The following BBS4 variants were observed in gnomAD, a reference collection of about 807,000 sequenced individuals.
BBS4 encodes BBSome complex member BBS4.
A neutral mutation model predicts 71.4 loss-of-function variants in BBS4; 58 were observed. The observed-to-expected ratio is 0.81, with a 90% confidence interval of 0.66 to 1.01. BBS4 has a LOEUF of 1.01. Ranked by LOEUF, BBS4 falls within the 50% of genes least tolerant of loss-of-function variation. The pLI is 0.00. For synonymous variants in BBS4, 228 were observed against 216.8 expected, an observed-to-expected ratio of 1.05 and a Z score of -0.46; for missense variants, 660 against 607.9, an observed-to-expected ratio of 1.09 and a Z score of -0.90.
At chr15:72,731,239 A>G in intron 10 of BBS4, 66 bp from the exon 11 acceptor site, 2 of 1,606,940 alleles carry the variant, frequency 1.2e-6, no homozygotes, top group Non-Finnish European at 1.7e-6. Context: ...TAGACTCAGG[A>G]AAGCTGCCCC....
At chr15:72,688,409 A>ATTTTTTTTTTTTTTT (rs1188469848) in intron 1 of BBS4, among the ~76,000 whole-genome samples, 2 of 24,122 alleles carry the variant, frequency 8.3e-5, no homozygotes, top group East Asian at 2.5e-3. Context: ...GTGGTATTTT[A>ATTTTTTTTTTTTTTT]TCTTTTTTTT....
At chr15:72,704,927 A>C (rs1275187335) in intron 2 of BBS4, among the ~76,000 whole-genome samples, 1 of 152,078 alleles carries the variant, frequency 6.6e-6, no homozygotes, top group African/African-American at 2.4e-5. Flanking sequence ...ATGCAAAAAA[A>C]CAGCAACAAT....
chr15:72,696,806 G>A (rs2065084851), intron 2 of BBS4, among the ~76,000 whole-genome samples: 1 of 152,124 alleles, frequency 6.6e-6, no homozygotes, highest in Non-Finnish European at 1.5e-5. Context: ...GCCCAGGCTG[G>A]TTTTGAACTC....
chr15:72,725,692 G>A (rs751431157), intron 8 of BBS4, among the ~76,000 whole-genome samples: 144 of 54,958 alleles, frequency 2.6e-3, no homozygotes, highest in Non-Finnish European at 3.9e-3. Context: ...CCCCTTCCCC[G>A]TTTTCCCCTT....
intron 6 of BBS4, among the ~76,000 whole-genome samples, chr15:72,717,921 T>A (rs1228608762): frequency 6.6e-6 from 1 of 152,152 alleles, no homozygotes; most frequent in East Asian, 1.9e-4. Flanking sequence ...TGATCTCGGC[T>A]CACTGCAACC....
intron 4 of BBS4, among the ~76,000 whole-genome samples, chr15:72,713,242 A>G (rs1169038731): frequency 6.6e-6 from 1 of 151,876 alleles, no homozygotes; most frequent in South Asian, 2.1e-4. Context: ...CAGTGGTGGT[A>G]CTAACATGTG....
chr15:72,720,131 ATTTTAC>A (rs150023976), intron 6 of BBS4, among the ~76,000 whole-genome samples: 3,986 of 150,204 alleles, frequency 0.027, 61 homozygotes, highest in Non-Finnish European at 0.036. Flanking sequence ...ATGATTTTGA[ATTTTAC>A]TTTTATTAAT....
rs770577174 is a variant in BBS4 at position 72,735,810 on chromosome 15, CTCTG to C, written c.1107-10_1107-7del. ...TGCAGAGCCCCCAGCTCCATAGAATCTCTGTCTGCCACAGGTGTAACCCTTTAGT... is the reference window on the plus strand; with the variant it reads ...TGCAGAGCCCCCAGCTCCATAGAATCTCTGCCACAGGTGTAACCCTTTAGT... On this transcript the variant is annotated splice_polypyrimidine_tract_variant and intron_variant, in intron 13 of 15. Coordinates refer to ENST00000268057, the MANE Select transcript of BBS4 (RefSeq NM_033028.5). The C allele has an allele frequency of 8.1e-6, 13 of 1,613,946 alleles. No individual in the cohort carries two copies. The highest frequency in any genetic ancestry group is 9.3e-6 in the Non-Finnish European group (11 of 1,179,970).
intron 1 of BBS4, among the ~76,000 whole-genome samples, chr15:72,691,595 T>C (rs1199879748): frequency 2.6e-5 from 4 of 152,212 alleles, no homozygotes; most frequent in South Asian, 2.1e-4. Context: ...TAGTATCTTA[T>C]TGTAGTAAAG....
In BBS4 at chr15:72,738,191, T is replaced by C. The variant is rs890661589; in HGVS notation, c.*604T>C. The C allele has an allele frequency of 2.2e-6, 1 of 451,574 alleles. No homozygotes were observed. Among genetic ancestry groups the C allele is most frequent in the African/African-American group, 2.0e-5 (1 of 49,862 alleles). The allele number at this position is 451,574 out of a possible 1,614,324, so 28.0% of individuals were successfully genotyped here. A position where few individuals can be genotyped will look rare whatever the true frequency, so the allele number is the denominator to read the frequency against. ...AATCCAGAACAAGTCCCTCCCTGTA[T>C]TTTGTTCTTGAGAGGGGTCAGTCTA... On this transcript the variant is annotated 3_prime_UTR_variant, in exon 16 of 16. Transcript: ENST00000268057.
intron 13 of BBS4, 22 bp from the exon 14 acceptor site, chr15:72,735,803 A>G (rs748355453): frequency 8.1e-6 from 13 of 1,614,144 alleles, no homozygotes; most frequent in South Asian, 6.6e-5. Context: ...CCCCAGCTCC[A>G]TAGAATCTCT....
In BBS4 at chr15:72,709,488, AAG is replaced by A. The variant is rs1243958275; in HGVS notation, c.77-210_77-209del. Among the ~76,000 whole-genome samples, 4 of 152,240 alleles carry A rather than the reference AAG, an allele frequency of 2.6e-5. No individual in the cohort carries two copies. Among genetic ancestry groups the A allele is most frequent in the Admixed American group, 6.5e-5 (1 of 15,274 alleles). ...CTGATATTACAAGCTTTAAAAACTC[AAG>A]ATATGTATTCAACATGTAGTAGTAG... On this transcript the variant is annotated intron_variant, in intron 2 of 15. Transcript: ENST00000268057.
chr15:72,714,094 A>T (rs1047845306), intron 4 of BBS4, among the ~76,000 whole-genome samples: 1 of 152,132 alleles, frequency 6.6e-6, no homozygotes, highest in African/African-American at 2.4e-5. Flanking sequence ...GCTAAAAGAG[A>T]TGAAGAAGAG....
chr15:72,715,783 G>A (rs550296123), intron 5 of BBS4, among the ~76,000 whole-genome samples: 1 of 152,226 alleles, frequency 6.6e-6, no homozygotes, highest in East Asian at 1.9e-4. Flanking sequence ...AGGACAGAGA[G>A]TTCCTGACTT....
intron 14 of BBS4, 50 bp from the exon 15 acceptor site, chr15:72,736,712 G>A: frequency 1.3e-6 from 2 of 1,595,070 alleles, no homozygotes; most frequent in African/African-American, 1.3e-5. Flanking sequence ...GGGTTGGCTT[G>A]TCTCTGACAG....
intron 2 of BBS4, among the ~76,000 whole-genome samples, chr15:72,697,351 C>A (rs1056514052): frequency 1.3e-5 from 2 of 152,140 alleles, no homozygotes; most frequent in Non-Finnish European, 2.9e-5. Flanking sequence ...CTGTGAAATC[C>A]TTAGACTTTT....
At chr15:72,736,680 C>T in intron 14 of BBS4, 82 bp from the exon 15 acceptor site, 2 of 1,381,520 alleles carry the variant, frequency 1.4e-6, no homozygotes, top group South Asian at 1.2e-5. Context: ...AGCTAAAACC[C>T]CAGCTCGAAG....
intron 10 of BBS4, among the ~76,000 whole-genome samples, chr15:72,730,878 G>T (rs946992385): frequency 6.6e-6 from 1 of 152,056 alleles, no homozygotes; most frequent in African/African-American, 2.4e-5. Context: ...ACGGTAGAAA[G>T]AAATTTACCT....
At chr15:72,711,153 CTT>C (rs747554165) in intron 3 of BBS4, among the ~76,000 whole-genome samples, 25 of 141,128 alleles carry the variant, frequency 1.8e-4, no homozygotes, top group Non-Finnish European at 2.3e-4. Context: ...CAGTATGAAT[CTT>C]TTTTTTTTTG....
Sources: gnomAD v4.1 joint callset for allele counts (sites outside exome capture counted in the v4.1 genomes callset) on GRCh38, gnomAD v4.1.1 for gene constraint, MANE v1.5 for transcripts, NCBI Gene and HGNC (gene_info 2026-07-23, HGNC 2026-07-21) for gene names.